HDHD2: variants seen among roughly 807,000 people sequenced by gnomAD.
HDHD2 encodes the protein haloacid dehalogenase-like hydrolase domain-containing protein 2.
Under a neutral mutation model 24.8 loss-of-function variants are expected in HDHD2, and 26 were observed. The ratio of observed to expected loss-of-function variants is 1.05; its 90% CI spans 0.77 to 1.45. HDHD2 has a LOEUF of 1.45. Among genes scored for constraint, HDHD2 ranks in the 40% most tolerant of loss-of-function variants. The pLI, the probability that HDHD2 is intolerant of heterozygous loss-of-function variation, is 0.00. For synonymous variants in HDHD2, 128 were observed against 114.9 expected (o/e 1.11, Z -0.73); for missense variants, 299 against 313.4 (o/e 0.95, Z 0.35).
intron 1 of HDHD2, among the ~76,000 whole-genome samples, chr18:47,139,235 G>A (rs2144371245): frequency 6.6e-6 from 1 of 151,844 alleles, no homozygotes; most frequent in Admixed American, 6.6e-5. Context: ...GAGGTGGGTG[G>A]ATCACGAGGT....
chr18:47,115,048 C>T, intron 5 of HDHD2, 84 bp downstream of exon 5: 2 of 900,426 alleles, frequency 2.2e-6, no homozygotes, highest in Non-Finnish European at 3.6e-6. Flanking sequence ...AACAGAATGT[C>T]CCCTTTCCTA....
intron 4 of HDHD2, among the ~76,000 whole-genome samples, chr18:47,129,463 C>T (rs1443214981): frequency 6.6e-6 from 1 of 152,088 alleles, no homozygotes; most frequent in African/African-American, 2.4e-5. Flanking sequence ...TTCTCTCTTA[C>T]TTGCTCAGAT....
intron 4 of HDHD2, among the ~76,000 whole-genome samples, chr18:47,123,749 C>T (rs1382953646): frequency 1.3e-5 from 2 of 151,966 alleles, no homozygotes; most frequent in Non-Finnish European, 2.9e-5. Flanking sequence ...AATAGAGATA[C>T]ATTTTATTTT....
chr18:47,127,864 T>C (rs1261421862), intron 4 of HDHD2, among the ~76,000 whole-genome samples: 1 of 152,230 alleles, frequency 6.6e-6, no homozygotes, highest in Non-Finnish European at 1.5e-5. Context: ...TTGATGTATC[T>C]GCCTTGATGT....
intron 3 of HDHD2, among the ~76,000 whole-genome samples, chr18:47,132,788 C>A (rs2063725346): frequency 6.6e-6 from 1 of 152,154 alleles, no homozygotes; most frequent in African/African-American, 2.4e-5. Flanking sequence ...CATATTCTTT[C>A]AGAATCGGTT....
rs2063490993 is a variant in HDHD2, at chr18:47,108,540, T to C, written c.*142A>G. 3 of 493,986 alleles carry C rather than the reference T, an allele frequency of 6.1e-6. No homozygotes were observed. Among genetic ancestry groups the C allele is most frequent in the Non-Finnish European group, 1.1e-5 (3 of 282,610 alleles). The allele number at this position is 493,986 out of a possible 1,614,324, so 30.6% of individuals were successfully genotyped here. The stretch of plus-strand genomic sequence containing the variant: ...GCTAGCCGCAATTCAATACCTTTCT[T>C]TCTAATTAATGCACAACAAAAGAGG... On this transcript the variant is annotated 3_prime_UTR_variant, in exon 7 of 7. Transcript: ENST00000300605.
At chr18:47,125,185 A>C (rs1568049901) in intron 4 of HDHD2, among the ~76,000 whole-genome samples, 1 of 152,128 alleles carries the variant, frequency 6.6e-6, no homozygotes, top group African/African-American at 2.4e-5. Context: ...AACAAAAAAA[A>C]ACCAAATAGG....
intron 1 of HDHD2, among the ~76,000 whole-genome samples, chr18:47,136,787 T>G (rs1158111763): frequency 1.3e-5 from 2 of 152,188 alleles, no homozygotes; most frequent in Non-Finnish European, 2.9e-5. Context: ...CTGAGAATAA[T>G]GTACTCCAAA....
chr18:47,147,932 AACTTGATC>A (rs766468463), intron 1 of HDHD2, among the ~76,000 whole-genome samples: 9 of 152,138 alleles, frequency 5.9e-5, no homozygotes, highest in South Asian at 2.1e-4. Flanking sequence ...TAGTCCCACT[AACTTGATC>A]ACTTGATCAC....
Position 47,138,171 on chromosome 18 carries a change from CAAAAAAAA to C in HDHD2, c.-10-1730_-10-1723del, listed in dbSNP as rs58644217. ...TGGGCGATAGTGTGAGATTCTGTCG[CAAAAAAAA>C]AAAAAAAAAAAAAAAAAAAAAGATT... On this transcript the variant is annotated intron_variant, in intron 1 of 6. Coordinates refer to ENST00000300605, the MANE Select transcript of HDHD2 (RefSeq NM_032124.5). 4.4e-4 allele frequency among the ~76,000 whole-genome samples: 24 copies of C among 54,906 alleles called. 1 individual carries two copies. The highest frequency in any genetic ancestry group is 3.6e-3 in the East Asian group (5 of 1,380). 36.0% of individuals were successfully genotyped at this position (54,906 alleles called of 152,430 possible). A position where few individuals can be genotyped will look rare whatever the true frequency, so the allele number is the denominator to read the frequency against.
intron 1 of HDHD2, among the ~76,000 whole-genome samples, chr18:47,145,076 G>T (rs558641675): frequency 1.4e-4 from 22 of 152,144 alleles, no homozygotes; most frequent in South Asian, 6.2e-4. Flanking sequence ...AAGGCCCAAC[G>T]AATTCTAAGC....
intron 4 of HDHD2, among the ~76,000 whole-genome samples, chr18:47,117,860 T>A (rs1359264251): frequency 1.3e-5 from 2 of 152,002 alleles, no homozygotes; most frequent in African/African-American, 4.8e-5. Context: ...TTTATTGTGA[T>A]ACTTATTTTA....
chr18:47,146,371 A>G (rs1306432099), intron 1 of HDHD2, among the ~76,000 whole-genome samples: 1 of 152,216 alleles, frequency 6.6e-6, no homozygotes, highest in Non-Finnish European at 1.5e-5. Flanking sequence ...TTAAGTCTGC[A>G]AACACCAAAG....
chr18:47,125,434 T>C (rs903999590), intron 4 of HDHD2, among the ~76,000 whole-genome samples: 2 of 151,980 alleles, frequency 1.3e-5, no homozygotes, highest in Non-Finnish European at 2.9e-5. Context: ...AAAAGACATA[T>C]ACAAGAATGT....
chr18:47,124,445 G>A (rs2063637120), intron 4 of HDHD2, among the ~76,000 whole-genome samples: 2 of 151,926 alleles, frequency 1.3e-5, no homozygotes, highest in African/African-American at 2.4e-5. Context: ...AGTGGCTCAC[G>A]CCTGTAATCC....
At chr18:47,134,169 G>C (rs549615501) in intron 3 of HDHD2, among the ~76,000 whole-genome samples, 26 of 152,260 alleles carry the variant, frequency 1.7e-4, no homozygotes, top group African/African-American at 6.0e-4. Flanking sequence ...AACTAATTTG[G>C]AGGGCTCTAA....
At chr18:47,111,312 G>A in intron 6 of HDHD2, 4 of 981,510 alleles carry the variant, frequency 4.1e-6, no homozygotes, top group Non-Finnish European at 4.8e-6. Context: ...GGCCCATCAA[G>A]ACACTGACAG....
At position 47,150,495 on chromosome 18, in the gene HDHD2, G is replaced by A. The variant is rs1045325536; in HGVS notation, c.-128C>T. 2.6e-5 allele frequency: 4 copies of A among 152,244 alleles called. No individual in the cohort carries two copies. Among genetic ancestry groups the A allele is most frequent in the African/African-American group, 2.4e-5 (1 of 41,470 alleles). The allele number at this position is 152,244 out of a possible 1,614,324, so 9.4% of individuals were successfully genotyped here. A position where few individuals can be genotyped will look rare whatever the true frequency, so the allele number is the denominator to read the frequency against. On this transcript the variant is annotated 5_prime_UTR_variant, in exon 1 of 7. Coordinates refer to ENST00000300605, the MANE Select transcript of HDHD2 (RefSeq NM_032124.5). The stretch of plus-strand genomic sequence containing the variant: ...CCCCGCTGCTGCCCGACGGACGCCG[G>A]AAGTTGGGCCCTGGCCGCGCCGGAA...
At chr18:47,147,795 A>G (rs2063887022) in intron 1 of HDHD2, among the ~76,000 whole-genome samples, 2 of 152,192 alleles carry the variant, frequency 1.3e-5, no homozygotes, top group Non-Finnish European at 2.9e-5. Context: ...CACCAGTTCC[A>G]TAGAACGTAC....
Sources: gnomAD v4.1 joint callset for allele counts (sites outside exome capture counted in the v4.1 genomes callset) on GRCh38, gnomAD v4.1.1 for gene constraint, MANE v1.5 for transcripts, NCBI Gene and HGNC (gene_info 2026-07-23, HGNC 2026-07-21) for gene names.